Variants in ARHGEF26 observed in about 807,000 individuals in gnomAD.
ARHGEF26 encodes the protein Rho guanine nucleotide exchange factor 26, also known as Rho guanine nucleotide exchange factor (GEF) 26.
In ARHGEF26, 59 loss-of-function variants were observed where a neutral mutation model predicts 89.4. The observed-to-expected ratio is 0.66, with a 90% confidence interval of 0.54 to 0.82. The LOEUF (loss-of-function observed/expected upper bound fraction) is 0.82. ARHGEF26 is among the 40% of genes least tolerant of loss of function. The pLI is 0.00. For missense variants in ARHGEF26, 1,234 were observed against 1,085.6 expected, an observed-to-expected ratio of 1.14 and a Z score of -1.92; for synonymous variants, 500 against 428.4, an observed-to-expected ratio of 1.17 and a Z score of -2.06.
chr3:154,175,760 T>A (rs907796769), intron 6 of ARHGEF26, among the ~76,000 whole-genome samples: 1 of 151,898 alleles, frequency 6.6e-6, no homozygotes, highest in African/African-American at 2.4e-5. Context: ...GCACTGTATG[T>A]TTTGTTTTGT....
chr3:154,128,772 A>G (rs1056355136), intron 3 of ARHGEF26, among the ~76,000 whole-genome samples: 6 of 152,024 alleles, frequency 3.9e-5, no homozygotes, highest in Non-Finnish European at 7.4e-5. Context: ...CACCTGTTCT[A>G]TGTCTTTACT....
At chr3:154,203,174 T>A (rs964113912) in intron 9 of ARHGEF26, among the ~76,000 whole-genome samples, 1 of 152,216 alleles carries the variant, frequency 6.6e-6, no homozygotes, top group African/African-American at 2.4e-5. Context: ...ATACGTCCCA[T>A]TGATACCTAA....
chr3:154,199,577 A>G (rs1056156668), intron 9 of ARHGEF26, among the ~76,000 whole-genome samples: 5 of 152,152 alleles, frequency 3.3e-5, no homozygotes, highest in African/African-American at 1.2e-4. Flanking sequence ...TTGGGTATAT[A>G]CCCAGCAGTA....
chr3:154,246,984 TC>T (rs1717836179), intron 12 of ARHGEF26, among the ~76,000 whole-genome samples: 1 of 152,168 alleles, frequency 6.6e-6, no homozygotes, highest in South Asian at 2.1e-4. Context: ...CGTGACTTCT[TC>T]CTCTGGCACC....
intron 9 of ARHGEF26, among the ~76,000 whole-genome samples, chr3:154,205,269 GTCT>G (rs763015547): frequency 1.4e-4 from 22 of 151,746 alleles, no homozygotes; most frequent in Middle Eastern, 3.4e-3. Context: ...CTTTCTTTGT[GTCT>G]TCTTGCAGTT....
At chr3:154,128,466 T>G (rs1718469013) in intron 3 of ARHGEF26, among the ~76,000 whole-genome samples, 1 of 152,264 alleles carries the variant, frequency 6.6e-6, no homozygotes, top group Non-Finnish European at 1.5e-5. Flanking sequence ...CTCGAACTCC[T>G]GACCTCAAGT....
intron 4 of ARHGEF26, among the ~76,000 whole-genome samples, chr3:154,142,883 A>G (rs1447290808): frequency 6.6e-6 from 1 of 152,108 alleles, no homozygotes; most frequent in African/African-American, 2.4e-5. Flanking sequence ...ACTGCCTCAT[A>G]AGCTATTGCT....
intron 8 of ARHGEF26, among the ~76,000 whole-genome samples, chr3:154,192,066 A>T (rs553267591): frequency 6.6e-6 from 1 of 152,370 alleles, no homozygotes; most frequent in African/African-American, 2.4e-5. Context: ...GGCTATGGGC[A>T]GGAGAGCCTG....
chr3:154,136,413 T>C (rs1049828880), intron 4 of ARHGEF26, among the ~76,000 whole-genome samples: 1 of 152,164 alleles, frequency 6.6e-6, no homozygotes, highest in African/African-American at 2.4e-5. Flanking sequence ...GGTTCTGGGC[T>C]CAGCTCTTAA....
chr3:154,163,593 A>G (rs943264082), intron 6 of ARHGEF26, among the ~76,000 whole-genome samples: 37 of 152,176 alleles, frequency 2.4e-4, no homozygotes, highest in Admixed American at 2.4e-3. Flanking sequence ...TACATCACCC[A>G]TGGAGCTAGT....
intron 6 of ARHGEF26, among the ~76,000 whole-genome samples, chr3:154,187,380 A>AT (rs35918903): frequency 0.64 from 81,835 of 127,028 alleles, 26,657 homozygotes; most frequent in South Asian, 0.78. Context: ...CAATAACTTG[A>AT]TTTTTTTTTT....
chr3:154,150,153 G>A (rs1378103222), intron 5 of ARHGEF26, among the ~76,000 whole-genome samples: 118 of 112,600 alleles, frequency 1.0e-3, no homozygotes, highest in African/African-American at 3.3e-3. Flanking sequence ...TTTTTTTTTG[G>A]TTGGCATAGA....
chr3:154,256,820 A>C lies in ARHGEF26; in HGVS notation c.*1347A>C. 6.6e-7 allele frequency: 1 copy of C among 1,522,004 alleles called. No homozygotes were observed. Among genetic ancestry groups the C allele is most frequent in the Non-Finnish European group, 8.8e-7 (1 of 1,142,226 alleles). 94.3% of individuals were successfully genotyped at this position (1,522,004 alleles called of 1,614,324 possible). A position where few individuals can be genotyped will look rare whatever the true frequency, so the allele number is the denominator to read the frequency against. On this transcript the variant is annotated 3_prime_UTR_variant, in exon 15 of 15. Coordinates refer to ENST00000465093, the MANE Select transcript of ARHGEF26 (RefSeq NM_015595.4). The stretch of plus-strand genomic sequence containing the variant: ...AAAAGCCTTAACTTGCTGTATTCAG[A>C]GTCCCTCTTAACTGTGAGTTTCTAT...
rs764493484 is a variant in ARHGEF26, at chr3:154,255,331, G to A, written c.2474G>A (p.Gly825Asp). The A allele has an allele frequency of 1.2e-6, 2 of 1,611,894 alleles. No individual in the cohort carries two copies. Among genetic ancestry groups the A allele is most frequent in the Admixed American group, 3.3e-5 (2 of 59,832 alleles). ...GTGTGGACTCTGTTCTTTTTCACAG[G>A]CTGGTATGAGGGGGAACGACTACGA... Reference protein sequence around the residue: ...VVLIYQRVSDGWYEGERLRDG... With the variant: ...VVLIYQRVSDDWYEGERLRDG... Residue 825 changes from glycine to aspartate, a missense_variant and splice_region_variant, in exon 15 of 15, where the codon GGC (glycine) becomes GAC (aspartate). Gly to Asp is a moderately conservative substitution (Grantham distance 94). Coordinates refer to ENST00000465093, the MANE Select transcript of ARHGEF26 (RefSeq NM_015595.4).
At chr3:154,184,283 T>A (rs1402161826) in intron 6 of ARHGEF26, among the ~76,000 whole-genome samples, 1 of 152,218 alleles carries the variant, frequency 6.6e-6, no homozygotes, top group Admixed American at 6.5e-5. Context: ...TTCAATTTTC[T>A]TTAAACAATT....
In ARHGEF26 at chr3:154,255,196, T is replaced by C; in HGVS notation, c.2474-135T>C. 3.3e-6 allele frequency: 3 copies of C among 913,524 alleles called. No individual in the cohort carries two copies. The South Asian group carries it at 5.1e-5, about 15-fold the overall frequency. The allele number at this position is 913,524 out of a possible 1,614,324, so 56.6% of individuals were successfully genotyped here. On this transcript the variant is annotated intron_variant, in intron 14 of 14. Coordinates refer to ENST00000465093, the MANE Select transcript of ARHGEF26 (RefSeq NM_015595.4). ...GTCATTCATTCCCCCTCGAAAGCTT[T>C]CCCTGTCCCACTTTCTCTTCTCACC...
At chr3:154,169,396 C>CA (rs1249469982) in intron 6 of ARHGEF26, among the ~76,000 whole-genome samples, 1 of 152,036 alleles carries the variant, frequency 6.6e-6, no homozygotes, top group African/African-American at 2.4e-5. Context: ...TGTTTCCTGA[C>CA]ACGCGTGTTT....
chr3:154,254,494 T>C (rs2108307287), intron 13 of ARHGEF26, among the ~76,000 whole-genome samples: 1 of 152,268 alleles, frequency 6.6e-6, no homozygotes, highest in South Asian at 2.1e-4. Flanking sequence ...TTGAGGGGAA[T>C]CATGCATCAT....
chr3:154,201,924 G>A (rs1219048079), intron 9 of ARHGEF26, among the ~76,000 whole-genome samples: 1 of 150,912 alleles, frequency 6.6e-6, no homozygotes, highest in Admixed American at 6.6e-5. Context: ...AGATGAGTAG[G>A]TTGCGAAAAT....
Sources: gnomAD v4.1 joint callset for allele counts (sites outside exome capture counted in the v4.1 genomes callset) on GRCh38, gnomAD v4.1.1 for gene constraint, MANE v1.5 for transcripts, NCBI Gene and HGNC (gene_info 2026-07-23, HGNC 2026-07-21) for gene names.